The following USP35 variants were observed in gnomAD, a reference collection of about 807,000 sequenced individuals.
USP35 encodes the protein ubiquitin carboxyl-terminal hydrolase 35.
In USP35, 69 loss-of-function variants were observed where a neutral mutation model predicts 83.8. The ratio of observed to expected loss-of-function variants is 0.82; its 90% confidence interval spans 0.68 to 1.01. The LOEUF is 1.01. USP35 is among the 50% of genes least tolerant of loss of function. The pLI is 0.00. For missense variants in USP35, 1,503 were observed against 1,362.5 expected (o/e 1.10, Z -1.62); for synonymous variants, 714 against 589.5 (o/e 1.21, Z -3.06).
Position 78,209,327 on chromosome 11 carries a change from A to C in USP35, c.1593-121A>C, listed in dbSNP as rs539078804. 155 of 1,062,074 alleles carry C rather than the reference A, an allele frequency of 1.5e-4. 2 individuals carry two copies. The East Asian group carries it at 4.0e-3, about 28-fold the overall frequency. 65.8% of individuals were successfully genotyped at this position (1,062,074 alleles called of 1,614,324 possible). A position where few individuals can be genotyped will look rare whatever the true frequency, so the allele number is the denominator to read the frequency against. On this transcript the variant is annotated intron_variant, in intron 9 of 10. Transcript: ENST00000529308. ...GGATGTGTGGGTGTTTGGTGTGTGCATGTGTGTTTGTGTGCGTCTCAATGT... is the reference window on the plus strand; with the variant it reads ...GGATGTGTGGGTGTTTGGTGTGTGCCTGTGTGTTTGTGTGCGTCTCAATGT...
At chr11:78,233,007 A>G in the USP35 span, among the ~76,000 whole-genome samples, 12 of 150,288 alleles carry the variant, frequency 8.0e-5, no homozygotes, top group African/African-American at 3.0e-4. Context: ...ATTAAAGTCT[A>G]TTCATATACT....
the USP35 span, chr11:78,221,575 C>A: frequency 4.7e-6 from 3 of 632,404 alleles, no homozygotes; most frequent in Non-Finnish European, 5.8e-6. Flanking sequence ...TACAAGGAGT[C>A]CCTGGGCTGA....
chr11:78,216,557 C>A (rs542100466), downstream of USP35: 1 of 152,102 alleles, frequency 6.6e-6, no homozygotes, highest in Admixed American at 6.5e-5. Flanking sequence ...CACTTGCACC[C>A]GAGGGATTTT....
At chr11:78,228,431 A>C in the USP35 span, among the ~76,000 whole-genome samples, 3 of 152,230 alleles carry the variant, frequency 2.0e-5, no homozygotes, top group East Asian at 5.8e-4. Context: ...GTCTCATCAG[A>C]AAAGGCAAAT....
intron 3 of USP35, chr11:78,199,231 T>C: frequency 3.7e-6 from 1 of 269,704 alleles, no homozygotes; most frequent in Non-Finnish European, 7.3e-6. Context: ...TGGCTTGCTC[T>C]GGGTCACACA....
At chr11:78,230,003 A>G in the USP35 span, among the ~76,000 whole-genome samples, 1 of 152,176 alleles carries the variant, frequency 6.6e-6, no homozygotes, top group Non-Finnish European at 1.5e-5. Context: ...AGTGTTACCT[A>G]TATTAGGCAC....
In USP35 at chr11:78,196,169, G is replaced by C. The variant is rs191100910; in HGVS notation, c.-10-67G>C. 2.7e-6 allele frequency: 4 copies of C among 1,496,156 alleles called. No individual in the cohort carries two copies. Among genetic ancestry groups the C allele is most frequent in the Non-Finnish European group, 3.5e-6 (4 of 1,133,598 alleles). 92.7% of individuals were successfully genotyped at this position (1,496,156 alleles called of 1,614,324 possible). On this transcript the variant is annotated intron_variant, in intron 1 of 10. Transcript: ENST00000529308. This position sits in a 1 kb window ranked among gnomAD's most constrained non-coding sequence, Gnocchi z 4.8. ...GCTTGCCCTAAGTCTCAGCACTCGGGGACTGCACCGGGAACTCTTGAGCCC... is the reference window on the plus strand; with the variant it reads ...GCTTGCCCTAAGTCTCAGCACTCGGCGACTGCACCGGGAACTCTTGAGCCC...
chr11:78,207,649 G>A (rs1172542356), intron 8 of USP35, 26 bp downstream of exon 8: 1 of 1,609,096 alleles, frequency 6.2e-7, no homozygotes, highest in African/African-American at 1.3e-5. Flanking sequence ...GTCAGAGGGG[G>A]GTGGAGAGGC....
chr11:78,215,337 C>T (rs1030365229), downstream of USP35: 2 of 152,590 alleles, frequency 1.3e-5, no homozygotes, highest in African/African-American at 4.8e-5. Context: ...TGCTCCAACA[C>T]CACAGTAGAA....
At chr11:78,207,711 T>C in intron 8 of USP35, 88 bp downstream of exon 8, 1 of 1,316,538 alleles carries the variant, frequency 7.6e-7, no homozygotes, top group South Asian at 1.2e-5. Context: ...AGGACCTGCC[T>C]GCATCTGGCT....
At position 78,196,309 on chromosome 11, in the gene USP35, G is replaced by T. The variant is rs767955652; in HGVS notation, c.64G>T (p.Val22Phe). ...CCCGGTCAGCGTGAAGCAGGGGCTG[G>T]TTCGGCGCGTGCTGGAGGCGGCGCG... ...SYPVSVKQGL[V>F]RRVLEAARQP... The change falls in exon 2 of 11, where the codon GTT becomes TTT. Residue 22 changes from valine to phenylalanine, a missense_variant. By Grantham distance (50) the Val-to-Phe change is conservative. Coordinates refer to ENST00000529308, the MANE Select transcript of USP35 (RefSeq NM_020798.4). The surrounding 1 kb of genome is among the most constrained non-coding windows in gnomAD (Gnocchi z 4.8). 1.9e-6 allele frequency: 3 copies of T among 1,592,356 alleles called. No individual in the cohort carries two copies. The South Asian group carries it at 3.3e-5, about 18-fold the overall frequency.
At chr11:78,235,373 C>T in the USP35 span, among the ~76,000 whole-genome samples, 3 of 151,984 alleles carry the variant, frequency 2.0e-5, no homozygotes, top group Non-Finnish European at 4.4e-5. Flanking sequence ...AGGATGGTCT[C>T]GATCTCCTGA....
At chr11:78,191,280 A>G (rs1251070802) in intron 1 of USP35, among the ~76,000 whole-genome samples, 1 of 152,242 alleles carries the variant, frequency 6.6e-6, no homozygotes, top group Non-Finnish European at 1.5e-5. Flanking sequence ...CGAGAGGAAC[A>G]GGTGAAAGGA....
At chr11:78,225,426 C>T in the USP35 span, among the ~76,000 whole-genome samples, 1 of 152,210 alleles carries the variant, frequency 6.6e-6, no homozygotes, top group East Asian at 1.9e-4. Context: ...AGAAGCTGTC[C>T]TTGACTACTC....
At chr11:78,224,084 A>T in the USP35 span, among the ~76,000 whole-genome samples, 1 of 152,174 alleles carries the variant, frequency 6.6e-6, no homozygotes, top group Non-Finnish European at 1.5e-5. Context: ...TCTGTTTCAA[A>T]AAATAAAAAA....
chr11:78,220,293 T>C, the USP35 span: 10 of 1,611,020 alleles, frequency 6.2e-6, no homozygotes, highest in Admixed American at 1.7e-5. Flanking sequence ...GAGCTCTTAC[T>C]GCCCCCCCAA....
rs767970585 is a variant in USP35, at chr11:78,200,119, G to A, written c.937-14G>A. 4.3e-6 allele frequency: 7 copies of A among 1,614,054 alleles called. No homozygotes were observed. In the East Asian group the frequency reaches 1.1e-4, roughly 26 times the overall value. On this transcript the variant is annotated splice_polypyrimidine_tract_variant and intron_variant, in intron 4 of 10. Coordinates refer to ENST00000529308, the MANE Select transcript of USP35 (RefSeq NM_020798.4). Reference sequence around the variant, plus strand: ...CTCAAGCCTGGGGACTCCTGACCAGGGACTCTCTTGTAGGTTTTCTCTAAG... The same window carrying A: ...CTCAAGCCTGGGGACTCCTGACCAGAGACTCTCTTGTAGGTTTTCTCTAAG...
At chr11:78,217,889 A>T (rs1161052289), downstream of USP35, 1 of 152,350 alleles carries the variant, frequency 6.6e-6, no homozygotes, top group African/African-American at 2.4e-5. Context: ...GCTGTCAGCC[A>T]TGCCTGATGT....
At chr11:78,221,221 G>A in the USP35 span, among the ~76,000 whole-genome samples, 3 of 152,222 alleles carry the variant, frequency 2.0e-5, no homozygotes, top group Non-Finnish European at 4.4e-5. Flanking sequence ...TGACTACCAG[G>A]TGCTGGGCAG....
Sources: gnomAD v4.1 joint callset for allele counts (sites outside exome capture counted in the v4.1 genomes callset) on GRCh38, gnomAD v4.1.1 for gene constraint, Gnocchi (gnomAD v3.1) non-coding constraint, MANE v1.5 for transcripts, NCBI Gene and HGNC (gene_info 2026-07-23, HGNC 2026-07-21) for gene names.